The following RGS7 variants were observed in gnomAD, a reference collection of about 807,000 sequenced individuals.
RGS7 encodes regulator of G protein signaling 7.
A neutral mutation model predicts 81.1 loss-of-function variants in RGS7; 27 were observed. The observed-to-expected ratio is 0.33, with a 90% CI of 0.25 to 0.46. RGS7 has a LOEUF of 0.46. RGS7 is among the 20% of genes least tolerant of loss of function. The probability of loss-of-function intolerance (pLI) is 1.00; values close to 1 mark genes in which losing one functional copy is unlikely to be tolerated. For missense variants in RGS7, 396 were observed against 607.4 expected, an observed-to-expected ratio of 0.65 and a Z score of 3.66; for synonymous variants, 208 against 207.7, an observed-to-expected ratio of 1.00 and a Z score of -0.01.
intron 3 of RGS7, among the ~76,000 whole-genome samples, chr1:240,992,057 A>G (rs1355225476): frequency 6.6e-6 from 1 of 152,218 alleles, no homozygotes; most frequent in Non-Finnish European, 1.5e-5. Flanking sequence ...ACAGGTAGAG[A>G]TAATACTTTT....
chr1:241,120,150 C>A (rs1363390619), intron 2 of RGS7, among the ~76,000 whole-genome samples: 1 of 152,178 alleles, frequency 6.6e-6, no homozygotes, highest in Non-Finnish European at 1.5e-5. Context: ...CCTTCCCACA[C>A]TGGAGTTTTT....
At chr1:241,015,389 T>G (rs1434698928) in intron 3 of RGS7, among the ~76,000 whole-genome samples, 1 of 152,246 alleles carries the variant, frequency 6.6e-6, no homozygotes, top group Non-Finnish European at 1.5e-5. Context: ...CCATTTTTTC[T>G]TGGTTGCTAA....
chr1:241,137,105 C>T lies in RGS7; in HGVS notation c.79-38343G>A, dbSNP rs144720945. ...GGGCTCTGTTTAGGCATCATATCAT[C>T]AGGAAGTTTATCCTTATTCATTCCT... On this transcript the variant is annotated intron_variant, in intron 2 of 18. Transcript: ENST00000440928. Among the ~76,000 whole-genome samples, 882 of 152,308 alleles carry T rather than the reference C, an allele frequency of 5.8e-3. 9 individuals carry two copies. Among genetic ancestry groups the T allele is most frequent in the African/African-American group, 0.02 (833 of 41,566 alleles).
intron 2 of RGS7, among the ~76,000 whole-genome samples, chr1:241,296,755 C>CA (rs988084291): frequency 5.9e-5 from 9 of 152,338 alleles, no homozygotes; most frequent in African/African-American, 1.9e-4. Context: ...GTGTGGGACT[C>CA]AGTCTGGCTG....
intron 4 of RGS7, among the ~76,000 whole-genome samples, chr1:240,938,063 GC>G (rs1395263875): frequency 6.6e-6 from 1 of 152,152 alleles, no homozygotes; most frequent in Non-Finnish European, 1.5e-5. Context: ...ATGAAATTAT[GC>G]AAAATAGTTT....
At chr1:240,965,192 A>G (rs1682096952) in intron 4 of RGS7, among the ~76,000 whole-genome samples, 1 of 151,918 alleles carries the variant, frequency 6.6e-6, no homozygotes, top group Non-Finnish European at 1.5e-5. Context: ...CTCTCAATCA[A>G]CTCTCTCCTA....
intron 2 of RGS7, among the ~76,000 whole-genome samples, chr1:241,301,877 A>C (rs2079781888): frequency 6.6e-6 from 1 of 152,250 alleles, no homozygotes. Flanking sequence ...TCAGTCTTCC[A>C]AAAATATACT....
At chr1:240,841,789 C>T (rs1658051280) in intron 9 of RGS7, among the ~76,000 whole-genome samples, 1 of 152,154 alleles carries the variant, frequency 6.6e-6, no homozygotes, top group Non-Finnish European at 1.5e-5. Flanking sequence ...TGCTTGTTGC[C>T]TCCTTTCCCC....
intron 3 of RGS7, among the ~76,000 whole-genome samples, chr1:241,046,208 G>A (rs980927557): frequency 3.9e-5 from 6 of 151,980 alleles, no homozygotes; most frequent in African/African-American, 9.7e-5. Flanking sequence ...GGTTTGTTAC[G>A]TGGGTATATT....
chr1:241,141,705 G>A (rs929063741), intron 2 of RGS7, among the ~76,000 whole-genome samples: 5 of 152,132 alleles, frequency 3.3e-5, no homozygotes, highest in Non-Finnish European at 7.4e-5. Flanking sequence ...CTCACACCAC[G>A]TGGGAATTAT....
At chr1:241,344,670 C>T (rs868480410) in intron 2 of RGS7, among the ~76,000 whole-genome samples, 3 of 152,312 alleles carry the variant, frequency 2.0e-5, no homozygotes, top group Middle Eastern at 6.8e-3. Context: ...TAGACAGCCT[C>T]AACAATCCTG....
intron 2 of RGS7, among the ~76,000 whole-genome samples, chr1:241,136,417 GTGAA>G (rs2067519152): frequency 6.6e-6 from 1 of 152,110 alleles, no homozygotes; most frequent in South Asian, 2.1e-4. Flanking sequence ...ATGGCACCTT[GTGAA>G]AACCTGCCCT....
chr1:240,886,053 AT>A (rs1322727953), intron 6 of RGS7, among the ~76,000 whole-genome samples: 1 of 152,204 alleles, frequency 6.6e-6, no homozygotes, highest in Non-Finnish European at 1.5e-5. Flanking sequence ...ATTTTAAAAA[AT>A]GTAATAAAGT....
rs10700153 is a variant in RGS7 at position 241,079,830 on chromosome 1, T to TTTTATTTA, written c.175+18828_175+18835dup. ...CCATCCCCACCCTCACCCCATAGGC[T>TTTTATTTA]TTTATTTATTTATTTATTTATTTAT... On this transcript the variant is annotated intron_variant, in intron 3 of 18. Coordinates refer to ENST00000440928, the MANE Select transcript of RGS7 (RefSeq NM_001364886.1). Among the ~76,000 whole-genome samples the TTTTATTTA allele has an allele frequency of 9.1e-3, 1,372 of 151,112 alleles. 12 individuals are homozygous for TTTTATTTA. Among genetic ancestry groups the TTTTATTTA allele is most frequent in the South Asian group, 0.039 (186 of 4,782 alleles).
At position 241,006,327 on chromosome 1, in the gene RGS7, G is replaced by A. The variant is rs138013133; in HGVS notation, c.176-23198C>T. 5.9e-5 allele frequency among the ~76,000 whole-genome samples: 9 copies of A among 152,186 alleles called. No individual in the cohort carries two copies. In the East Asian group the frequency reaches 1.7e-3, roughly 29 times the overall value. ...TTTTCTGTTGGACTTTGAGGAAAAG[G>A]TTTCTGTTTTCCTGTCCAAGGCAAA... On this transcript the variant is annotated intron_variant, in intron 3 of 18. Transcript: ENST00000440928.
At chr1:240,862,055 T>A (rs1662302939) in intron 9 of RGS7, among the ~76,000 whole-genome samples, 1 of 152,194 alleles carries the variant, frequency 6.6e-6, no homozygotes, top group South Asian at 2.1e-4. Context: ...CAATTTGGTG[T>A]ATTTCTCCCA....
intron 10 of RGS7, among the ~76,000 whole-genome samples, chr1:240,817,769 A>G (rs976753478): frequency 2.0e-5 from 3 of 152,000 alleles, no homozygotes; most frequent in African/African-American, 7.2e-5. Flanking sequence ...CACCCGGCTA[A>G]TTTTTGTATT....
chr1:241,243,813 G>C (rs1175804678), intron 2 of RGS7, among the ~76,000 whole-genome samples: 1 of 152,162 alleles, frequency 6.6e-6, no homozygotes, highest in African/African-American at 2.4e-5. Context: ...TCATCCTGGA[G>C]CATCCAGCAG....
chr1:241,106,855 A>T (rs1239454961), intron 2 of RGS7, among the ~76,000 whole-genome samples: 1 of 150,912 alleles, frequency 6.6e-6, no homozygotes, highest in Non-Finnish European at 1.5e-5. Flanking sequence ...ATTTTGCAGA[A>T]ATAAAGTAGA....
Sources: gnomAD v4.1 joint callset for allele counts (sites outside exome capture counted in the v4.1 genomes callset) on GRCh38, gnomAD v4.1.1 for gene constraint, MANE v1.5 for transcripts, NCBI Gene and HGNC (gene_info 2026-07-23, HGNC 2026-07-21) for gene names.